MYLK2: variants seen among roughly 807,000 people sequenced by gnomAD.
The protein encoded by MYLK2 is myosin light chain kinase 2, skeletal/cardiac muscle.
Under a neutral mutation model 58.2 loss-of-function variants are expected in MYLK2, and 27 were observed. The observed-to-expected ratio is 0.46, with a 90% CI of 0.34 to 0.64. The LOEUF is 0.64. Among genes scored for constraint, MYLK2 ranks in the 30% least tolerant of loss-of-function variants. The pLI, the probability that MYLK2 is intolerant of heterozygous loss-of-function variation, is 0.01. For missense variants in MYLK2, 676 were observed against 764.3 expected, an observed-to-expected ratio of 0.88 and a Z score of 1.36; for synonymous variants, 310 against 296.7, an observed-to-expected ratio of 1.04 and a Z score of -0.46.
chr20:31,833,468 G>A (rs1440594748), intron 12 of MYLK2, among the ~76,000 whole-genome samples: 8 of 152,214 alleles, frequency 5.3e-5, no homozygotes, highest in Admixed American at 4.6e-4. Context: ...TTTACTTGGA[G>A]CAAAACTGGA....
intron 2 of MYLK2, 58 bp downstream of exon 2, chr20:31,819,690 A>G: frequency 6.5e-7 from 1 of 1,538,842 alleles, no homozygotes; most frequent in Non-Finnish European, 8.8e-7. Context: ...TTTTGAATCC[A>G]GGACTGGGCA....
intron 8 of MYLK2, chr20:31,828,503 G>A (rs1342306582): frequency 1.0e-6 from 1 of 983,234 alleles, no homozygotes; most frequent in East Asian, 1.1e-4. Flanking sequence ...CTAGGCATAG[G>A]GACTGTGAAG....
chr20:31,830,799 GC>G lies in MYLK2; in HGVS notation c.1225-18del, dbSNP rs1568634220. On this transcript the variant is annotated intron_variant, in intron 8 of 12. Coordinates refer to ENST00000375985, the MANE Select transcript of MYLK2 (RefSeq NM_033118.4). ...GTGAGCTGGTCAGAGGCCCACCCAG[GC>G]CACCCCCTTTCTCCTCAGCCAGAGA... 6.2e-7 allele frequency: 1 copy of G among 1,610,930 alleles called. No individual in the cohort carries two copies. The highest frequency in any genetic ancestry group is 1.3e-5 in the African/African-American group (1 of 74,916).
chr20:31,823,450 C>T (rs1326679498), intron 4 of MYLK2, 27 bp from the exon 5 acceptor site: 1 of 1,598,348 alleles, frequency 6.3e-7, no homozygotes, highest in South Asian at 1.1e-5. Flanking sequence ...CTGGCACTGA[C>T]CATGAGGGCT....
chr20:31,820,165 C>G lies in MYLK2; in HGVS notation c.92C>G (p.Ala31Gly). 6.2e-7 allele frequency: 1 copy of G among 1,613,998 alleles called. No individual in the cohort carries two copies. The highest frequency in any genetic ancestry group is 8.5e-7 in the Non-Finnish European group (1 of 1,180,016). The change falls in exon 3 of 13, where the codon GCT (alanine) becomes GGT (glycine). Residue 31 changes from alanine (A) to glycine (G), a missense_variant. Around this residue, in one of 2 missense-constraint regions of MYLK2, gnomAD observed 306 missense variants for 296.5 expected, o/e 1.03. Transcript: ENST00000375985. ...PKGPTGERPL[A>G]AGKDPGPPDP... ...GGTCCCACAGGTGAAAGACCCCTGG[C>G]TGCAGGGAAAGACCCTGGCCCCCCA...
intron 4 of MYLK2, among the ~76,000 whole-genome samples, chr20:31,822,033 C>T (rs907096737): frequency 2.0e-5 from 3 of 152,152 alleles, no homozygotes; most frequent in Non-Finnish European, 4.4e-5. Flanking sequence ...GGACTACAGG[C>T]GTGTACAACC....
In MYLK2 at chr20:31,820,544, C is replaced by T. The variant is rs1033301935; in HGVS notation, c.471C>T (p.Ser157=). The T allele has an allele frequency of 3.1e-6, 5 of 1,600,190 alleles. No individual in the cohort carries two copies. In the African/African-American group the frequency reaches 6.7e-5, roughly 21 times the overall value. ...LHSPSCPAII[S]SSEKLLAKKP... ...GCCCCAGCTGTCCTGCCATCATCTCCAGGTGAATATCCCCTCCTGGGAGTG... is the reference window on the plus strand; with the variant it reads ...GCCCCAGCTGTCCTGCCATCATCTCTAGGTGAATATCCCCTCCTGGGAGTG... Residue 157 remains serine, a splice_region_variant and synonymous_variant, in exon 3 of 13, where the codon TCC becomes TCT. Transcript: ENST00000375985.
At chr20:31,823,336 C>G (rs2062260775) in intron 4 of MYLK2, 141 bp from the exon 5 acceptor site, 3 of 730,664 alleles carry the variant, frequency 4.1e-6, no homozygotes, top group Non-Finnish European at 7.0e-6. Context: ...TAGCCCCTAT[C>G]CTGGAGCCAG....
chr20:31,826,861 A>G lies in MYLK2; in HGVS notation c.1147A>G (p.Thr383Ala), dbSNP rs765387768. Residue 383 changes from threonine (T) to alanine (A), a missense_variant, in exon 8 of 13, where the codon ACC (threonine) becomes GCC (alanine). Thr to Ala is a moderately conservative substitution (Grantham distance 58, BLOSUM62 0). Coordinates refer to ENST00000375985, the MANE Select transcript of MYLK2 (RefSeq NM_033118.4). ...GGACTACCATCTGACCGAGGTGGAC[A>G]CCATGGTGTTTGTCAGGCAGATCTG... ...DEDYHLTEVD[T>A]MVFVRQICDG... 1.4e-5 allele frequency: 23 copies of G among 1,613,992 alleles called. No homozygotes were observed. The highest frequency in any genetic ancestry group is 4.2e-6 in the Non-Finnish European group (5 of 1,180,024).
chr20:31,827,852 G>C (rs1351449269), intron 8 of MYLK2, among the ~76,000 whole-genome samples: 1 of 143,810 alleles, frequency 7.0e-6, no homozygotes, highest in Non-Finnish European at 1.5e-5. Context: ...TCACTACCAT[G>C]CACATGGTAG....
At chr20:31,827,578 G>A (rs1277941349) in intron 8 of MYLK2, 2 of 978,636 alleles carry the variant, frequency 2.0e-6, no homozygotes, top group East Asian at 1.1e-4. Context: ...GAGTGCAGTG[G>A]CGCTATCTTG....
intron 10 of MYLK2, 104 bp from the exon 11 acceptor site, chr20:31,831,599 A>C: frequency 7.3e-7 from 1 of 1,367,840 alleles, no homozygotes; most frequent in South Asian, 1.2e-5. Flanking sequence ...TCTTTTCAGC[A>C]CACGGTGCTG....
At chr20:31,833,652 C>A in intron 12 of MYLK2, 65 bp from the exon 13 acceptor site, 1 of 1,432,238 alleles carries the variant, frequency 7.0e-7, no homozygotes, top group South Asian at 1.1e-5. Context: ...ACAGGCTGCT[C>A]AGACACCCTG....
At chr20:31,827,021 C>T in intron 8 of MYLK2, 83 bp downstream of exon 8, 1 of 1,587,690 alleles carries the variant, frequency 6.3e-7, no homozygotes, top group Non-Finnish European at 8.6e-7. Context: ...CATCCCTCTG[C>T]CCTCCCATCC....
Position 31,830,868 on chromosome 20 carries a change from T to C in MYLK2, c.1274T>C (p.Ile425Thr). 1 of 1,613,838 alleles carries C rather than the reference T, an allele frequency of 6.2e-7. No homozygotes were observed. The highest frequency in any genetic ancestry group is 1.3e-5 in the African/African-American group (1 of 74,874). ...VNTTGHLVKIIDFGLARRYNP... is the reference protein window; with the variant it reads ...VNTTGHLVKITDFGLARRYNP... The stretch of plus-strand genomic sequence containing the variant: ...ACCACCGGGCATTTGGTGAAGATCA[T>C]TGACTTTGGCCTGGCACGGAGGTAC... Residue 425 changes from isoleucine (I) to threonine (T), a missense_variant, in exon 9 of 13, where the codon ATT (isoleucine) becomes ACT (threonine). Physicochemically the swap from Ile to Thr is moderately conservative, Grantham distance 89. Coordinates refer to ENST00000375985, the MANE Select transcript of MYLK2 (RefSeq NM_033118.4).
intron 2 of MYLK2, 33 bp downstream of exon 2, chr20:31,819,665 G>A (rs746589686): frequency 1.3e-6 from 2 of 1,551,024 alleles, no homozygotes; most frequent in South Asian, 2.4e-5. Flanking sequence ...GGAGGGAGGA[G>A]CTTGGGAAGG....
intron 5 of MYLK2, 49 bp from the exon 6 acceptor site, chr20:31,824,210 C>G (rs367979199): frequency 3.8e-5 from 60 of 1,591,300 alleles, no homozygotes; most frequent in Non-Finnish European, 4.8e-5. Flanking sequence ...ATGCCACTGA[C>G]CCCGGTGGGC....
intron 3 of MYLK2, 150 bp from the exon 4 acceptor site, chr20:31,821,289 C>A: frequency 1.3e-6 from 1 of 779,582 alleles, no homozygotes; most frequent in Non-Finnish European, 2.1e-6. Flanking sequence ...CAGCCATGAA[C>A]ATCCCTTAAT....
At chr20:31,828,035 G>A (rs551146944) in intron 8 of MYLK2, 15 of 241,440 alleles carry the variant, frequency 6.2e-5, no homozygotes, top group East Asian at 1.8e-4. Flanking sequence ...TTACAGGCGT[G>A]TGCCACCATG....
Sources: gnomAD v4.1 joint callset for allele counts (sites outside exome capture counted in the v4.1 genomes callset) on GRCh38, gnomAD v4.1.1 for gene constraint, gnomAD v4.1.1 regional missense constraint, MANE v1.5 for transcripts, NCBI Gene and HGNC (gene_info 2026-07-23, HGNC 2026-07-21) for gene names.